Variants in PHTF2 observed in about 807,000 individuals in gnomAD.
PHTF2 encodes the protein protein PHTF2.
A neutral mutation model predicts 101.2 loss-of-function variants in PHTF2; 60 were observed. The ratio of observed to expected loss-of-function variants is 0.59; its 90% confidence interval spans 0.48 to 0.73. The LOEUF (loss-of-function observed/expected upper bound fraction) is 0.73, where lower values mean the gene tolerates loss of function less well. Among genes scored for constraint, PHTF2 ranks in the 30% least tolerant of loss-of-function variants. The pLI, the probability that PHTF2 is intolerant of heterozygous loss-of-function variation, is 0.00. For missense variants in PHTF2, 747 were observed against 908.7 expected (o/e 0.82, Z 2.29); for synonymous variants, 311 against 307.3 (o/e 1.01, Z -0.13).
chr7:77,955,665 G>C lies in PHTF2; in HGVS notation c.*787G>C, dbSNP rs570746547. 1.4e-3 allele frequency: 217 copies of C among 152,542 alleles called. 1 individual carries two copies. Among genetic ancestry groups the C allele is most frequent in the African/African-American group, 5.1e-3 (211 of 41,512 alleles). The allele number at this position is 152,542 out of a possible 1,614,324, so 9.4% of individuals were successfully genotyped here. On this transcript the variant is annotated 3_prime_UTR_variant, in exon 20 of 20. Transcript: ENST00000416283. ...GTTATAGTATACTAGGGCATGATAT[G>C]GTATCCTTTTGAGTGAGGTATATAC...
At chr7:77,810,710 G>T (rs994188882) in intron 1 of PHTF2, among the ~76,000 whole-genome samples, 2 of 151,030 alleles carry the variant, frequency 1.3e-5, no homozygotes, top group Admixed American at 6.6e-5. Flanking sequence ...GCTAATATTT[G>T]TATTTTTAGT....
intron 1 of PHTF2, among the ~76,000 whole-genome samples, chr7:77,815,846 T>G (rs1793808580): frequency 6.6e-6 from 1 of 152,230 alleles, no homozygotes; most frequent in Non-Finnish European, 1.5e-5. Context: ...TTCTCCTTTC[T>G]CTACTATTGC....
At chr7:77,912,104 C>T (rs931447665) in intron 9 of PHTF2, among the ~76,000 whole-genome samples, 3 of 152,184 alleles carry the variant, frequency 2.0e-5, no homozygotes, top group Non-Finnish European at 2.9e-5. Flanking sequence ...TGGAAGTTTA[C>T]TATGTTTCTC....
intron 1 of PHTF2, among the ~76,000 whole-genome samples, chr7:77,832,519 A>G (rs1283611013): frequency 6.6e-6 from 1 of 152,262 alleles, no homozygotes; most frequent in Admixed American, 6.5e-5. Context: ...GACAACTTCA[A>G]ATCTCCATAC....
chr7:77,948,217 A>G (rs1042555094), intron 16 of PHTF2, among the ~76,000 whole-genome samples: 2 of 152,158 alleles, frequency 1.3e-5, no homozygotes, highest in Non-Finnish European at 2.9e-5. Context: ...AATTACAGAA[A>G]GACTTTATGA....
intron 3 of PHTF2, among the ~76,000 whole-genome samples, chr7:77,888,733 G>A (rs895389484): frequency 1.2e-4 from 18 of 151,928 alleles, no homozygotes; most frequent in African/African-American, 4.4e-4. Flanking sequence ...AACTATAATT[G>A]AACTTGGCCT....
At chr7:77,908,982 T>G in intron 8 of PHTF2, 24 bp downstream of exon 7, 1 of 1,478,702 alleles carries the variant, frequency 6.8e-7, no homozygotes, top group Non-Finnish European at 9.3e-7. Context: ...AAAAGTAATC[T>G]TTTTGTACAT....
At position 77,875,116 on chromosome 7, in the gene PHTF2, G is replaced by A. The variant is rs1584557376; in HGVS notation, c.148-18492G>A. 9.2e-5 allele frequency among the ~76,000 whole-genome samples: 14 copies of A among 152,190 alleles called. No homozygotes were observed. The South Asian group carries it at 2.9e-3, about 32-fold the overall frequency. On this transcript the variant is annotated intron_variant, in intron 3 of 19. Coordinates refer to ENST00000416283, the Ensembl canonical transcript of PHTF2. ...TTGGCTAGTGCTGTATGAATTGTAGGATTGTTTTTTTCTATTTCTGTGTAG... is the reference window on the plus strand; with the variant it reads ...TTGGCTAGTGCTGTATGAATTGTAGAATTGTTTTTTTCTATTTCTGTGTAG...
intron 18 of PHTF2, among the ~76,000 whole-genome samples, chr7:77,953,309 A>G (rs923126034): frequency 1.2e-4 from 19 of 152,226 alleles, no homozygotes; most frequent in African/African-American, 4.3e-4. Flanking sequence ...AGGGCTTGGC[A>G]TATGATAGAA....
intron 6 of PHTF2, 96 bp from the exon 6 acceptor site, chr7:77,901,666 T>G (rs1211212507): frequency 1.9e-6 from 1 of 533,532 alleles, no homozygotes; most frequent in East Asian, 3.3e-5. Context: ...AATAAAATTA[T>G]GTGGTGATGT....
intron 3 of PHTF2, among the ~76,000 whole-genome samples, chr7:77,890,288 C>T (rs575695606): frequency 4.5e-4 from 69 of 152,214 alleles, no homozygotes; most frequent in African/African-American, 1.6e-3. Flanking sequence ...TAACCTCGGG[C>T]CTATTAAGTA....
chr7:77,951,208 A>G (rs540093373), intron 17 of PHTF2, among the ~76,000 whole-genome samples: 2 of 152,294 alleles, frequency 1.3e-5, no homozygotes, highest in African/African-American at 4.8e-5. Flanking sequence ...GGAGGCTGAG[A>G]TGAGAGGATC....
chr7:77,807,475 C>A (rs1255964555), intron 1 of PHTF2, among the ~76,000 whole-genome samples: 1 of 151,890 alleles, frequency 6.6e-6, no homozygotes, highest in Non-Finnish European at 1.5e-5. Context: ...TTTTTGTGTG[C>A]TAGTTGGCCA....
At chr7:77,911,680 G>A (rs73138459) in intron 9 of PHTF2, among the ~76,000 whole-genome samples, 9,042 of 152,086 alleles carry the variant, frequency 0.059, 377 homozygotes, top group Middle Eastern at 0.085. Context: ...GCATATTTTC[G>A]TTGATTGTAA....
At chr7:77,929,732 A>G (rs928414609) in intron 12 of PHTF2, among the ~76,000 whole-genome samples, 3 of 152,202 alleles carry the variant, frequency 2.0e-5, no homozygotes, top group African/African-American at 4.8e-5. Flanking sequence ...AAATATTATG[A>G]GAGTCAGATG....
chr7:77,869,811 A>C (rs1222899628), intron 3 of PHTF2, among the ~76,000 whole-genome samples: 1 of 152,112 alleles, frequency 6.6e-6, no homozygotes, highest in Non-Finnish European at 1.5e-5. Flanking sequence ...CCCGATGATT[A>C]GTGATGTTGA....
At chr7:77,907,251 G>A (rs1019260274) in intron 7 of PHTF2, among the ~76,000 whole-genome samples, 7 of 152,106 alleles carry the variant, frequency 4.6e-5, no homozygotes, top group South Asian at 4.1e-4. Context: ...AACGATGATT[G>A]GCATTTTAAA....
chr7:77,954,956 T>C, exon 20 of PHTF2: 1 of 736,702 alleles, frequency 1.4e-6, no homozygotes, highest in East Asian at 2.7e-5. Context: ...TTGTCACTGA[T>C]TCTTTGCTTC....
intron 16 of PHTF2, among the ~76,000 whole-genome samples, chr7:77,944,439 A>T: frequency 6.6e-6 from 1 of 152,238 alleles, no homozygotes; most frequent in South Asian, 2.1e-4. Flanking sequence ...ATATATAATT[A>T]TAACTCTTCC....
Sources: allele counts gnomAD v4.1 joint callset (sites outside exome capture counted in the v4.1 genomes callset), GRCh38; gene constraint gnomAD v4.1.1; transcripts MANE v1.5; gene names NCBI Gene and HGNC (gene_info 2026-07-23, HGNC 2026-07-21).